CCDC60: variants seen among roughly 807,000 people sequenced by gnomAD.
CCDC60 encodes the protein coiled-coil domain-containing protein 60.
A neutral mutation model predicts 63.5 loss-of-function variants in CCDC60; 54 were observed. That is an observed-to-expected ratio of 0.85 (90% CI 0.68 to 1.07). The LOEUF (loss-of-function observed/expected upper bound fraction) is 1.07, where lower values mean the gene tolerates loss of function less well. Ranked by LOEUF, CCDC60 falls within the 50% of genes least tolerant of loss-of-function variation. The probability of loss-of-function intolerance (pLI) is 0.00; values close to 1 mark genes in which losing one functional copy is unlikely to be tolerated. For synonymous variants in CCDC60, 206 were observed against 238.8 expected, an observed-to-expected ratio of 0.86 and a Z score of 1.27; for missense variants, 651 against 684.3, an observed-to-expected ratio of 0.95 and a Z score of 0.54.
intron 1 of CCDC60, among the ~76,000 whole-genome samples, chr12:119,339,743 G>A (rs1199269975): frequency 1.3e-5 from 2 of 152,226 alleles, no homozygotes; most frequent in African/African-American, 2.4e-5. Flanking sequence ...AGGAGGTCAA[G>A]GCTGCAGTGA....
intron 1 of CCDC60, among the ~76,000 whole-genome samples, chr12:119,357,047 C>G (rs1955725555): frequency 6.6e-6 from 1 of 152,172 alleles, no homozygotes; most frequent in Admixed American, 6.5e-5. Flanking sequence ...AACCTTTGTC[C>G]TCTCCAAAAC....
At chr12:119,417,532 T>C (rs564488989) in intron 1 of CCDC60, among the ~76,000 whole-genome samples, 17 of 152,246 alleles carry the variant, frequency 1.1e-4, no homozygotes, top group African/African-American at 4.1e-4. Flanking sequence ...CAATTTCCTT[T>C]TATGGAGTTA....
At chr12:119,341,275 G>T (rs1955529837) in intron 1 of CCDC60, among the ~76,000 whole-genome samples, 1 of 150,900 alleles carries the variant, frequency 6.6e-6, no homozygotes, top group Admixed American at 6.6e-5. Context: ...AGAGCGATCG[G>T]CACTCTTCAT....
At chr12:119,343,390 G>T (rs1234180339) in intron 1 of CCDC60, among the ~76,000 whole-genome samples, 1 of 152,046 alleles carries the variant, frequency 6.6e-6, no homozygotes, top group Non-Finnish European at 1.5e-5. Flanking sequence ...ACAGATTCTG[G>T]GATAGGTTCA....
At chr12:119,539,600 G>A (rs1953100205) in intron 13 of CCDC60, among the ~76,000 whole-genome samples, 1 of 152,228 alleles carries the variant, frequency 6.6e-6, no homozygotes, top group African/African-American at 2.4e-5. Context: ...TCAAGCCAGT[G>A]GATCTTAGCT....
At position 119,456,005 on chromosome 12, in the gene CCDC60, A is replaced by AAGAAAGAAAGAAAGAAAGAG. The variant is rs1950731235; in HGVS notation, c.171-15970_171-15969insGAGAAAGAAAGAAAGAAAGA. Among the ~76,000 whole-genome samples, 1 of 62,066 alleles carries AAGAAAGAAAGAAAGAAAGAG rather than the reference A, an allele frequency of 1.6e-5. No individual in the cohort carries two copies. The highest frequency in any genetic ancestry group is 3.1e-5 in the Non-Finnish European group (1 of 32,142). The allele number at this position is 62,066 out of a possible 152,430, so 40.7% of individuals were successfully genotyped here. A position where few individuals can be genotyped will look rare whatever the true frequency, so the allele number is the denominator to read the frequency against. On this transcript the variant is annotated intron_variant, in intron 2 of 13. Transcript: ENST00000327554. The surrounding 1 kb of genome is among the most constrained non-coding windows in gnomAD (Gnocchi z 4.6). ...AGAGAGAAAGAGAGAGAGAAAGAGA[A>AAGAAAGAAAGAAAGAAAGAG]AGAAAGAAAGAAAGAAAGAAAGAAA...
At chr12:119,507,620 T>A (rs1313823991) in intron 7 of CCDC60, among the ~76,000 whole-genome samples, 1 of 102,840 alleles carries the variant, frequency 9.7e-6, no homozygotes, top group African/African-American at 4.3e-5. Context: ...ATATATTTTT[T>A]TTTTTTTTTT....
intron 1 of CCDC60, among the ~76,000 whole-genome samples, chr12:119,338,456 G>T (rs7971064): frequency 0.08 from 12,131 of 152,198 alleles, 630 homozygotes; most frequent in Middle Eastern, 0.18. Context: ...ACCTCTTCAT[G>T]AGATGGCAAC....
At chr12:119,498,219 C>T (rs1280493288) in intron 5 of CCDC60, among the ~76,000 whole-genome samples, 1 of 152,144 alleles carries the variant, frequency 6.6e-6, no homozygotes, top group East Asian at 1.9e-4. Flanking sequence ...CACCTTTTGC[C>T]TTCTATATCT....
intron 6 of CCDC60, among the ~76,000 whole-genome samples, chr12:119,504,281 C>A (rs936588123): frequency 6.6e-6 from 1 of 152,002 alleles, no homozygotes. Context: ...AGGACATAAC[C>A]CCAAACAGTG....
At chr12:119,434,771 G>A (rs1950296093) in intron 2 of CCDC60, among the ~76,000 whole-genome samples, 1 of 152,190 alleles carries the variant, frequency 6.6e-6, no homozygotes, top group Admixed American at 6.5e-5. Flanking sequence ...GGTGAGCTGG[G>A]TGGCCAGAGC....
At chr12:119,378,253 A>G (rs1041755521) in intron 1 of CCDC60, among the ~76,000 whole-genome samples, 1 of 152,216 alleles carries the variant, frequency 6.6e-6, no homozygotes, top group Non-Finnish European at 1.5e-5. Context: ...TGGAGCCACC[A>G]TGTTGAACAT....
At chr12:119,439,878 C>T (rs1390447358) in intron 2 of CCDC60, among the ~76,000 whole-genome samples, 4 of 152,172 alleles carry the variant, frequency 2.6e-5, no homozygotes, top group South Asian at 2.1e-4. Context: ...CGACTAGACA[C>T]CTTGGATGAT....
chr12:119,506,496 C>T (rs1263290844), intron 7 of CCDC60, among the ~76,000 whole-genome samples: 1 of 149,626 alleles, frequency 6.7e-6, no homozygotes, highest in Non-Finnish European at 1.5e-5. Context: ...GCCTGTGGTT[C>T]CAACTACTCA....
chr12:119,455,362 G>A (rs1487149280), intron 2 of CCDC60, among the ~76,000 whole-genome samples: 1 of 152,214 alleles, frequency 6.6e-6, no homozygotes, highest in Admixed American at 6.5e-5. Context: ...AAGTCAATCA[G>A]CAATCACCAT....
rs763732191 is a variant in CCDC60 at position 119,516,747 on chromosome 12, T to C, written c.968+40T>C. 4.3e-6 allele frequency: 6 copies of C among 1,380,942 alleles called. No homozygotes were observed. The South Asian group carries it at 4.7e-5, about 11-fold the overall frequency. The allele number at this position is 1,380,942 out of a possible 1,614,324, so 85.5% of individuals were successfully genotyped here. ...CTCCTGGGGCAAATAAAGCTTAGAATAATAGCAATCACATTAACAGTAGTA... is the reference window on the plus strand; with the variant it reads ...CTCCTGGGGCAAATAAAGCTTAGAACAATAGCAATCACATTAACAGTAGTA... On this transcript the variant is annotated intron_variant, in intron 8 of 13. Transcript: ENST00000327554.
chr12:119,343,121 C>A (rs1156785935), intron 1 of CCDC60, among the ~76,000 whole-genome samples: 1 of 152,184 alleles, frequency 6.6e-6, no homozygotes, highest in Non-Finnish European at 1.5e-5. Context: ...AATTCAAAAT[C>A]ATAATCATCA....
At position 119,450,019 on chromosome 12, in the gene CCDC60, G is replaced by A. The variant is rs542849902; in HGVS notation, c.170+21257G>A. ...CACTATTCCCCATAACAAAGTCAAG[G>A]AATCAACCTAGTGTCCATCAACAGA... On this transcript the variant is annotated intron_variant, in intron 2 of 13. Transcript: ENST00000327554. Among the ~76,000 whole-genome samples the A allele has an allele frequency of 3.3e-5, 5 of 152,152 alleles. 1 individual carries two copies. The South Asian group carries it at 1.0e-3, about 32-fold the overall frequency.
At chr12:119,503,305 T>C (rs1265325270) in intron 6 of CCDC60, among the ~76,000 whole-genome samples, 1 of 152,216 alleles carries the variant, frequency 6.6e-6, no homozygotes, top group East Asian at 1.9e-4. Context: ...TCTGATATCA[T>C]CTCTCCCCAG....
Sources: gnomAD v4.1 joint callset for allele counts (sites outside exome capture counted in the v4.1 genomes callset) on GRCh38, gnomAD v4.1.1 for gene constraint, Gnocchi (gnomAD v3.1) non-coding constraint, MANE v1.5 for transcripts, NCBI Gene and HGNC (gene_info 2026-07-23, HGNC 2026-07-21) for gene names.